The following REV1 variants were observed in gnomAD, a reference collection of about 807,000 sequenced individuals.
The protein encoded by REV1 is REV1 DNA directed polymerase, also known as translesion synthesis protein REV1.
Under a neutral mutation model 137.4 loss-of-function variants are expected in REV1, and 42 were observed. The ratio of observed to expected loss-of-function variants is 0.31; its 90% CI spans 0.24 to 0.40. The LOEUF (loss-of-function observed/expected upper bound fraction) is 0.40, where lower values mean the gene tolerates loss of function less well. Among genes scored for constraint, REV1 ranks in the 10% least tolerant of loss-of-function variants. The pLI is 1.00. For synonymous variants in REV1, 524 were observed against 519.2 expected (o/e 1.01, Z -0.12); for missense variants, 1,282 against 1,490.1 (o/e 0.86, Z 2.30).
intron 9 of REV1, among the ~76,000 whole-genome samples, chr2:99,425,297 A>G (rs891598392): frequency 3.9e-5 from 6 of 152,202 alleles, no homozygotes; most frequent in African/African-American, 9.6e-5. Context: ...CAGTAGATGC[A>G]AAATCACATG....
Position 99,439,325 on chromosome 2 carries a change from A to C in REV1, c.504-15T>G, listed in dbSNP as rs760713288. Reference sequence around the variant, plus strand: ...CGATGTGATTTCTAAAGCAGGAAAAAATTTTTGAGTTAATAATATCTGACT... The same window carrying C: ...CGATGTGATTTCTAAAGCAGGAAAACATTTTTGAGTTAATAATATCTGACT... On this transcript the variant is annotated splice_polypyrimidine_tract_variant and intron_variant, in intron 5 of 22. Coordinates refer to ENST00000258428, the MANE Select transcript of REV1 (RefSeq NM_016316.4). The C allele has an allele frequency of 1.8e-5, 28 of 1,573,002 alleles. No individual in the cohort carries two copies. The highest frequency in any genetic ancestry group is 2.2e-5 in the Non-Finnish European group (25 of 1,153,716).
At chr2:99,416,927 A>G (rs1457656728) in intron 12 of REV1, among the ~76,000 whole-genome samples, 1 of 150,572 alleles carries the variant, frequency 6.6e-6, no homozygotes, top group Non-Finnish European at 1.5e-5. Context: ...AAAAAAAAAA[A>G]AAAAAAGAAA....
Position 99,424,203 on chromosome 2 carries a change from T to C in REV1, c.1625A>G (p.Asp542Gly). ...TGCGACTTCCTTATATGCATGAAAA[T>C]CGTATGGAACAGCTTGAAGATTAGG... is the stretch of plus-strand genomic sequence containing the variant. ...LCPNLQAVPY[D>G]FHAYKEVAQT... The change falls in exon 10 of 23, where the codon GAT becomes GGT. Residue 542 changes from aspartate (D) to glycine (G), a missense_variant. By Grantham distance (94) the Asp-to-Gly change is moderately conservative (BLOSUM62 -1). Transcript: ENST00000258428. The C allele has an allele frequency of 6.2e-7, 1 of 1,613,934 alleles. No individual in the cohort carries two copies. Among genetic ancestry groups the C allele is most frequent in the Non-Finnish European group, 8.5e-7 (1 of 1,179,900 alleles).
chr2:99,430,761 C>G (rs1247017343), intron 8 of REV1, among the ~76,000 whole-genome samples: 1 of 152,114 alleles, frequency 6.6e-6, no homozygotes, highest in Non-Finnish European at 1.5e-5. Context: ...CCTTTGCCAC[C>G]TTTAGCTTCA....
At position 99,404,449 on chromosome 2, in the gene REV1, A is replaced by C; in HGVS notation, c.3040T>G (p.Ser1014Ala). The change falls in exon 18 of 23, where the codon TCA becomes GCA. Residue 1014 changes from serine to alanine, a missense_variant. Coordinates refer to ENST00000258428, the MANE Select transcript of REV1 (RefSeq NM_016316.4). ...GGTTCCCATATTTAACTTACCTGTGAAAATGCTGGAAGGGCTATTAAATTT... is the reference window on the plus strand; with the variant it reads ...GGTTCCCATATTTAACTTACCTGTGCAAATGCTGGAAGGGCTATTAAATTT... Reference protein sequence around the residue: ...GINLIALPAFSQVDPEVFAAL... With the variant: ...GINLIALPAFAQVDPEVFAAL... The C allele has an allele frequency of 6.2e-7, 1 of 1,613,626 alleles. No homozygotes were observed. The highest frequency in any genetic ancestry group is 2.2e-5 in the East Asian group (1 of 44,882).
intron 5 of REV1, among the ~76,000 whole-genome samples, chr2:99,442,088 C>A (rs1171233271): frequency 6.6e-6 from 1 of 151,846 alleles, no homozygotes; most frequent in Non-Finnish European, 1.5e-5. Context: ...CCCGTCTCTA[C>A]TAAAAATACA....
chr2:99,444,743 T>C (rs976395410), intron 4 of REV1, among the ~76,000 whole-genome samples: 6 of 152,198 alleles, frequency 3.9e-5, no homozygotes, highest in Non-Finnish European at 5.9e-5. Flanking sequence ...GCTTGCCCAT[T>C]TATCTATCTA....
At chr2:99,421,391 G>T in intron 11 of REV1, 108 bp downstream of exon 11, 1 of 1,060,316 alleles carries the variant, frequency 9.4e-7, no homozygotes, top group Non-Finnish European at 1.4e-6. Flanking sequence ...GCTAAAAACG[G>T]TTTTACAAGT....
intron 3 of REV1, among the ~76,000 whole-genome samples, chr2:99,454,052 G>A (rs1172571476): frequency 1.3e-5 from 2 of 151,718 alleles, no homozygotes; most frequent in African/African-American, 2.4e-5. Flanking sequence ...TTTAGAGACA[G>A]GGTCTGGCTC....
At chr2:99,430,512 T>G (rs1238417799) in intron 8 of REV1, among the ~76,000 whole-genome samples, 1 of 152,204 alleles carries the variant, frequency 6.6e-6, no homozygotes, top group Non-Finnish European at 1.5e-5. Context: ...AATTCAAGCT[T>G]TTTCTTTTGT....
At chr2:99,428,922 G>A (rs970122005) in intron 9 of REV1, among the ~76,000 whole-genome samples, 3 of 151,480 alleles carry the variant, frequency 2.0e-5, no homozygotes, top group African/African-American at 7.3e-5. Context: ...AACCTGGGAG[G>A]TGGAGCTTGC....
At chr2:99,426,817 GCA>G (rs773609564) in intron 9 of REV1, among the ~76,000 whole-genome samples, 4 of 152,186 alleles carry the variant, frequency 2.6e-5, no homozygotes, top group Non-Finnish European at 4.4e-5. Context: ...TACATTTAAA[GCA>G]CAGAGGACAT....
intron 3 of REV1, among the ~76,000 whole-genome samples, chr2:99,457,687 G>GAAA (rs371360329): frequency 8.7e-6 from 1 of 115,398 alleles, no homozygotes. Context: ...CCTGTCTCAA[G>GAAA]AAAAAAAAAA....
At chr2:99,480,772 A>C (rs2104250365) in intron 1 of REV1, among the ~76,000 whole-genome samples, 1 of 152,322 alleles carries the variant, frequency 6.6e-6, no homozygotes, top group African/African-American at 2.4e-5. Flanking sequence ...ATGTAATTCC[A>C]AATAAACATA....
At chr2:99,476,105 AAAC>A (rs1384789505) in intron 1 of REV1, among the ~76,000 whole-genome samples, 5 of 152,262 alleles carry the variant, frequency 3.3e-5, no homozygotes, top group South Asian at 2.1e-4. Flanking sequence ...GCTTGCCAAA[AAAC>A]AACAAGATGT....
intron 5 of REV1, among the ~76,000 whole-genome samples, chr2:99,441,820 T>G (rs1681521420): frequency 6.6e-6 from 1 of 152,200 alleles, no homozygotes. Context: ...ATTTATGAAA[T>G]TATCATTATA....
intron 8 of REV1, among the ~76,000 whole-genome samples, chr2:99,433,393 T>TGTA (rs1680356596): frequency 6.6e-6 from 1 of 152,154 alleles, no homozygotes; most frequent in Non-Finnish European, 1.5e-5. Context: ...AGCATAAATA[T>TGTA]GTATCTGCAA....
At chr2:99,417,680 CA>C (rs1211422929) in intron 12 of REV1, among the ~76,000 whole-genome samples, 1 of 152,158 alleles carries the variant, frequency 6.6e-6, no homozygotes, top group Admixed American at 6.5e-5. Context: ...TTCCAGCCTC[CA>C]GAACTGTGAG....
chr2:99,476,269 G>A lies in REV1; in HGVS notation c.-10-11284C>T, dbSNP rs566700319. Reference sequence around the variant, plus strand: ...GAGGTAACCTCTAAGCCCTTAGAACGTCCACCTTATGGGAGCAGTGACTCA... The same window carrying A: ...GAGGTAACCTCTAAGCCCTTAGAACATCCACCTTATGGGAGCAGTGACTCA... On this transcript the variant is annotated intron_variant, in intron 1 of 22. Coordinates refer to ENST00000258428, the MANE Select transcript of REV1 (RefSeq NM_016316.4). 8.4e-4 allele frequency among the ~76,000 whole-genome samples: 128 copies of A among 152,002 alleles called. 1 individual carries two copies. The highest frequency in any genetic ancestry group is 6.8e-3 in the Middle Eastern group (2 of 294).
Sources: allele counts gnomAD v4.1 joint callset (sites outside exome capture counted in the v4.1 genomes callset), GRCh38; gene constraint gnomAD v4.1.1; transcripts MANE v1.5; gene names NCBI Gene and HGNC (gene_info 2026-07-23, HGNC 2026-07-21).